MED13L: variants seen among roughly 807,000 people sequenced by gnomAD.
MED13L encodes the protein mediator complex subunit 13L.
MED13L carries 7 observed loss-of-function variants against 220.9 expected under a neutral mutation model. The observed-to-expected ratio is 0.03, with a 90% CI of 0.02 to 0.06. The LOEUF is 0.06. Ranked by LOEUF, MED13L falls within the 10% of genes least tolerant of loss-of-function variation. The probability of loss-of-function intolerance (pLI) is 1.00; values close to 1 mark genes in which losing one functional copy is unlikely to be tolerated. For synonymous variants in MED13L, 1,011 were observed against 1,015.2 expected (o/e 1.00, Z 0.08); for missense variants, 1,965 against 2,760.5 (o/e 0.71, Z 6.46).
intron 1 of MED13L, chr12:116,276,507 A>C (rs1428802766): frequency 1.6e-6 from 2 of 1,286,530 alleles, no homozygotes; most frequent in Non-Finnish European, 2.0e-6. Flanking sequence ...GTCGATGTTT[A>C]CAATCGCGGG....
rs778224873 is a variant in MED13L, at chr12:116,216,848, A to T, written c.310+20620T>A. 2.6e-5 allele frequency among the ~76,000 whole-genome samples: 4 copies of T among 152,218 alleles called. No individual in the cohort carries two copies. The South Asian group carries it at 8.3e-4, about 32-fold the overall frequency. ...TTACTGTACTTGATTTGACACTGAA[A>T]ATCTCCAACAAAGATGTATCTAACT... On this transcript the variant is annotated intron_variant, in intron 2 of 30. Transcript: ENST00000281928.
chr12:116,261,040 A>G (rs761398468), intron 1 of MED13L, among the ~76,000 whole-genome samples: 20 of 152,024 alleles, frequency 1.3e-4, no homozygotes, highest in Admixed American at 2.6e-4. Flanking sequence ...AACTTGCATG[A>G]ATCTTCCCCT....
At chr12:116,038,744 C>CAAAGAAAAAAAAAA (rs1881341464) in intron 4 of MED13L, among the ~76,000 whole-genome samples, 1 of 75,262 alleles carries the variant, frequency 1.3e-5, no homozygotes, top group African/African-American at 6.0e-5. Flanking sequence ...GTCAAAAGGC[C>CAAAGAAAAAAAAAA]AAAAAAAAAA....
chr12:116,093,709 T>C (rs1451783085), intron 4 of MED13L, among the ~76,000 whole-genome samples: 1 of 152,028 alleles, frequency 6.6e-6, no homozygotes, highest in Non-Finnish European at 1.5e-5. Flanking sequence ...ATATTATATA[T>C]AGATACTATA....
At chr12:116,209,279 T>C (rs906290192) in intron 2 of MED13L, among the ~76,000 whole-genome samples, 3 of 152,194 alleles carry the variant, frequency 2.0e-5, no homozygotes, top group African/African-American at 7.2e-5. Context: ...TGACGTTTGA[T>C]TCCTAAGAAA....
Position 115,984,221 on chromosome 12 carries a change from G to C in MED13L, c.4490C>G (p.Ser1497Cys), listed in dbSNP as rs763779891. The C allele has an allele frequency of 6.2e-7, 1 of 1,613,910 alleles. No homozygotes were observed. The highest frequency in any genetic ancestry group is 1.7e-5 in the Admixed American group (1 of 59,990). ...PWSGEENDNH[S>C]RLKLYAQVCR... Reference sequence around the variant, plus strand: ...AACTTGCGCATAAAGTTTGAGTCTGGAATGATTGTCATTCTCCTCGCCGCT... The same window carrying C: ...AACTTGCGCATAAAGTTTGAGTCTGCAATGATTGTCATTCTCCTCGCCGCT... Residue 1497 changes from serine to cysteine, a missense_variant, in exon 20 of 31, where the codon TCC (serine) becomes TGC (cysteine). Physicochemically the swap from Ser to Cys is moderately radical, Grantham distance 112. Transcript: ENST00000281928.
intron 23 of MED13L, among the ~76,000 whole-genome samples, chr12:115,976,776 T>TACAACAGGGGTC (rs1876969521): frequency 6.6e-6 from 1 of 152,224 alleles, no homozygotes; most frequent in Admixed American, 6.5e-5. Context: ...TTTAATAAAC[T>TACAACAGGGGTC]ACAACAGGGG....
chr12:115,969,353 C>T (rs935143327), intron 27 of MED13L, among the ~76,000 whole-genome samples: 4 of 152,140 alleles, frequency 2.6e-5, no homozygotes, highest in African/African-American at 9.7e-5. Flanking sequence ...ACATAAAAAC[C>T]TACACTCTGC....
At chr12:116,184,757 C>T (rs1209540076) in intron 2 of MED13L, among the ~76,000 whole-genome samples, 9 of 152,148 alleles carry the variant, frequency 5.9e-5, no homozygotes, top group African/African-American at 2.2e-4. Flanking sequence ...ATCTAAAAAC[C>T]ATTAACTATT....
At chr12:116,058,981 TAAA>T (rs746450516) in intron 4 of MED13L, among the ~76,000 whole-genome samples, 26 of 152,132 alleles carry the variant, frequency 1.7e-4, no homozygotes, top group Non-Finnish European at 3.5e-4. Context: ...GAAAAACACA[TAAA>T]AAAAGGTTTC....
chr12:115,966,824 T>C (rs1379234395), intron 28 of MED13L, among the ~76,000 whole-genome samples: 1 of 152,214 alleles, frequency 6.6e-6, no homozygotes, highest in Non-Finnish European at 1.5e-5. Context: ...GCTAGCTTCA[T>C]CAATTGAAAA....
intron 4 of MED13L, among the ~76,000 whole-genome samples, chr12:116,032,712 G>A (rs1014172302): frequency 1.3e-5 from 2 of 151,998 alleles, no homozygotes; most frequent in African/African-American, 4.8e-5. Context: ...AACCGCCATG[G>A]GTCTCTTCCC....
intron 2 of MED13L, among the ~76,000 whole-genome samples, chr12:116,208,451 G>A (rs1356151841): frequency 1.3e-5 from 2 of 152,162 alleles, no homozygotes; most frequent in Non-Finnish European, 2.9e-5. Context: ...TTTAATCCAC[G>A]AGTTCACGAT....
At chr12:115,973,707 T>C (rs1876742034) in intron 25 of MED13L, among the ~76,000 whole-genome samples, 1 of 152,130 alleles carries the variant, frequency 6.6e-6, no homozygotes, top group Non-Finnish European at 1.5e-5. Context: ...GATAGAAAAT[T>C]CTGACAGAAA....
At position 116,237,654 on chromosome 12, in the gene MED13L, C is replaced by G. The variant is rs1247142719; in HGVS notation, c.124G>C (p.Asp42His). 2 of 1,614,176 alleles carry G rather than the reference C, an allele frequency of 1.2e-6. No homozygotes were observed. The highest frequency in any genetic ancestry group is 4.5e-5 in the East Asian group (2 of 44,878). The change falls in exon 2 of 31, where the codon GAC becomes CAC. Residue 42 changes from aspartate (D) to histidine (H), a missense_variant. Physicochemically the swap from Asp to His is moderately conservative, Grantham distance 81. This residue lies in a region of MED13L where 818 missense variants were observed against 1,041.2 expected (regional missense o/e 0.79). Coordinates refer to ENST00000281928, the MANE Select transcript of MED13L (RefSeq NM_015335.5). ...WRRYNFGGHGDCGPIISAPAQ... is the reference protein window; with the variant it reads ...WRRYNFGGHGHCGPIISAPAQ... ...GGGGCTGAAATTATGGGTCCACAGT[C>G]CCCATGCCCTCCAAAATTGTACCTA...
At chr12:116,020,621 C>T (rs1566014662) in intron 5 of MED13L, among the ~76,000 whole-genome samples, 1 of 152,176 alleles carries the variant, frequency 6.6e-6, no homozygotes, top group East Asian at 1.9e-4. Flanking sequence ...TAAAACAACT[C>T]TAAGTAAAAT....
chr12:116,051,506 A>C (rs1868508850), intron 4 of MED13L, among the ~76,000 whole-genome samples: 1 of 152,222 alleles, frequency 6.6e-6, no homozygotes, highest in Non-Finnish European at 1.5e-5. Flanking sequence ...AGCAATGATA[A>C]ATGGCAACCA....
At chr12:116,082,424 C>T (rs1394212241) in intron 4 of MED13L, 1 of 152,140 alleles carries the variant, frequency 6.6e-6, no homozygotes, top group Admixed American at 6.5e-5. Context: ...TTGTAAGGAA[C>T]TTGCTTCTTT....
chr12:116,068,823 C>T (rs1000896371), intron 4 of MED13L, among the ~76,000 whole-genome samples: 1 of 146,860 alleles, frequency 6.8e-6, no homozygotes, highest in Non-Finnish European at 1.5e-5. Context: ...CAACCATACA[C>T]TACCACTGGC....
Sources: gnomAD v4.1 joint callset for allele counts (sites outside exome capture counted in the v4.1 genomes callset) on GRCh38, gnomAD v4.1.1 for gene constraint, gnomAD v4.1.1 regional missense constraint, MANE v1.5 for transcripts, NCBI Gene and HGNC (gene_info 2026-07-23, HGNC 2026-07-21) for gene names.